RBFOX1: variants seen among roughly 807,000 people sequenced by gnomAD.
RBFOX1 encodes RNA binding fox-1 homolog 1.
RBFOX1 carries 8 observed loss-of-function variants against 57.7 expected under a neutral mutation model. The ratio of observed to expected loss-of-function variants is 0.14; its 90% CI spans 0.08 to 0.25. The LOEUF is 0.25. RBFOX1 is among the 10% of genes least tolerant of loss of function. RBFOX1 has a pLI of 1.00. For synonymous variants in RBFOX1, 326 were observed against 222.4 expected (o/e 1.47, Z -4.15); for missense variants, 611 against 548.5 (o/e 1.11, Z -1.14).
chr16:7,576,068 G>C (rs554291325), intron 5 of RBFOX1, among the ~76,000 whole-genome samples: 152 of 151,526 alleles, frequency 1.0e-3, no homozygotes, highest in Admixed American at 3.1e-3. Flanking sequence ...AAGTAGCTGG[G>C]ATGGCAGGCA....
intron 1 of RBFOX1, among the ~76,000 whole-genome samples, chr16:6,185,387 G>T (rs777308702): frequency 6.6e-6 from 1 of 152,096 alleles, no homozygotes; most frequent in Non-Finnish European, 1.5e-5. Context: ...GTTTCAAGGC[G>T]TTCAATACCG....
intron 3 of RBFOX1, among the ~76,000 whole-genome samples, chr16:6,752,859 C>T (rs918606815): frequency 1.3e-5 from 2 of 150,772 alleles, no homozygotes; most frequent in South Asian, 2.1e-4. Flanking sequence ...CTGTCAGCCT[C>T]TCTGCTCACA....
At chr16:5,928,956 A>G (rs1338636663) in intron 4 of RBFOX1, among the ~76,000 whole-genome samples, 1 of 151,928 alleles carries the variant, frequency 6.6e-6, no homozygotes, top group Non-Finnish European at 1.5e-5. Flanking sequence ...TGCTCGCCTC[A>G]AAAGGAGGGG....
intron 2 of RBFOX1, among the ~76,000 whole-genome samples, chr16:6,578,592 T>TGC (rs1470500295): frequency 1.5e-5 from 2 of 131,408 alleles, no homozygotes; most frequent in East Asian, 4.9e-4. Flanking sequence ...GGTATTGGTG[T>TGC]GTGTGCGTGT....
At chr16:5,719,198 G>T (rs865944310) in intron 3 of RBFOX1, among the ~76,000 whole-genome samples, 1 of 129,320 alleles carries the variant, frequency 7.7e-6, no homozygotes, top group Non-Finnish European at 1.6e-5. Flanking sequence ...CTTCATATTA[G>T]AATCTTTTTT....
chr16:7,205,833 G>T (rs113619442), intron 4 of RBFOX1, among the ~76,000 whole-genome samples: 26 of 152,368 alleles, frequency 1.7e-4, no homozygotes, highest in African/African-American at 6.3e-4. Context: ...AGAGAACTGT[G>T]TGTAGTAATT....
chr16:5,316,590 C>T (rs1442067607), intron 1 of RBFOX1, among the ~76,000 whole-genome samples: 2 of 152,236 alleles, frequency 1.3e-5, no homozygotes, highest in African/African-American at 2.4e-5. Context: ...TGCTGAGCCT[C>T]ATTTTTCTCA....
rs112159853 is a variant in RBFOX1 at position 6,814,396 on chromosome 16, C to T, written c.-16+159746C>T. Among the ~76,000 whole-genome samples the T allele has an allele frequency of 2.6e-3, 399 of 152,166 alleles. 4 individuals carry two copies. Among genetic ancestry groups the T allele is most frequent in the African/African-American group, 7.7e-3 (319 of 41,530 alleles). ...TGACATTGTTTTCCATCCATTCTTA[C>T]GGTAAATAATCTCTGTGTGTCAAGC... On this transcript the variant is annotated intron_variant, in intron 3 of 15. Coordinates refer to ENST00000550418, the MANE Select transcript of RBFOX1 (RefSeq NM_018723.4).
intron 3 of RBFOX1, among the ~76,000 whole-genome samples, chr16:7,003,286 C>G (rs565708921): frequency 6.6e-6 from 1 of 151,796 alleles, no homozygotes; most frequent in African/African-American, 2.4e-5. Flanking sequence ...TGGTGAAACC[C>G]CCGTCTCTAC....
intron 4 of RBFOX1, among the ~76,000 whole-genome samples, chr16:5,986,159 G>A (rs11860418): frequency 0.53 from 79,631 of 151,422 alleles, 21,448 homozygotes; most frequent in African/African-American, 0.65. Context: ...TGCCTCCCAG[G>A]TTCAAGCCAT....
chr16:6,746,760 T>A (rs2073761434), intron 3 of RBFOX1, among the ~76,000 whole-genome samples: 1 of 152,168 alleles, frequency 6.6e-6, no homozygotes, highest in East Asian at 1.9e-4. Flanking sequence ...AAAAGTGAAA[T>A]ATTGATACAT....
intron 13 of RBFOX1, among the ~76,000 whole-genome samples, chr16:7,670,729 T>C (rs1185351780): frequency 6.6e-6 from 1 of 152,188 alleles, no homozygotes; most frequent in Admixed American, 6.5e-5. Flanking sequence ...CACAAGCCTT[T>C]ATAGGGTACG....
At chr16:7,097,388 A>C (rs529113214) in intron 4 of RBFOX1, among the ~76,000 whole-genome samples, 1 of 152,150 alleles carries the variant, frequency 6.6e-6, no homozygotes, top group African/African-American at 2.4e-5. Flanking sequence ...TGCTTGCATC[A>C]ACCCCAGTAT....
At chr16:7,704,513 A>C (rs897222598) in intron 14 of RBFOX1, among the ~76,000 whole-genome samples, 2 of 152,164 alleles carry the variant, frequency 1.3e-5, no homozygotes, top group East Asian at 1.9e-4. Flanking sequence ...AATTACAGGC[A>C]TGAGTGTCTC....
intron 5 of RBFOX1, among the ~76,000 whole-genome samples, chr16:7,544,303 G>C (rs569933070): frequency 2.0e-5 from 3 of 152,336 alleles, no homozygotes; most frequent in African/African-American, 7.2e-5. Flanking sequence ...TACTGGCTAT[G>C]TCACCTGGTT....
chr16:7,407,655 C>T (rs1208221580), intron 4 of RBFOX1, among the ~76,000 whole-genome samples: 3 of 152,138 alleles, frequency 2.0e-5, no homozygotes, highest in African/African-American at 2.4e-5. Flanking sequence ...AATATGGCAG[C>T]ATACCTATTA....
rs892924930 is a variant in RBFOX1, at chr16:7,004,921, A to G, written c.-15-47136A>G. Among the ~76,000 whole-genome samples, 6 of 152,268 alleles carry G rather than the reference A, an allele frequency of 3.9e-5. No individual in the cohort carries two copies. In the East Asian group the frequency reaches 9.7e-4, roughly 25 times the overall value. ...TTCCAGGACTTTGTAAGGTGGGCCG[A>G]TCACTTGAGGTCAGGAGTTCGAGAC... On this transcript the variant is annotated intron_variant, in intron 3 of 15. Transcript: ENST00000550418.
intron 3 of RBFOX1, among the ~76,000 whole-genome samples, chr16:5,797,021 A>T (rs999790675): frequency 6.6e-6 from 1 of 152,194 alleles, no homozygotes; most frequent in Non-Finnish European, 1.5e-5. Flanking sequence ...ACTGCAAAAG[A>T]TGACAGTCTA....
At chr16:7,330,509 T>TG (rs1568240337) in intron 4 of RBFOX1, among the ~76,000 whole-genome samples, 1,833 of 65,696 alleles carry the variant, frequency 0.028, 67 homozygotes, top group African/African-American at 0.13. Context: ...TGTGTGTGTG[T>TG]TTGTGTGTGT....
Sources: gnomAD v4.1 joint callset for allele counts (sites outside exome capture counted in the v4.1 genomes callset) on GRCh38, gnomAD v4.1.1 for gene constraint, MANE v1.5 for transcripts, NCBI Gene and HGNC (gene_info 2026-07-23, HGNC 2026-07-21) for gene names.